Variants in GIGYF2 observed in about 807,000 individuals in gnomAD.
The protein encoded by GIGYF2 is GRB10-interacting GYF protein 2.
A neutral mutation model predicts 208.1 loss-of-function variants in GIGYF2; 25 were observed. The observed-to-expected ratio is 0.12, with a 90% CI of 0.09 to 0.17. The LOEUF (loss-of-function observed/expected upper bound fraction) is 0.17. Among genes scored for constraint, GIGYF2 ranks in the 10% least tolerant of loss-of-function variants. GIGYF2 has a pLI of 1.00. For missense variants in GIGYF2, 1,302 were observed against 1,579.4 expected, an observed-to-expected ratio of 0.82 and a Z score of 2.98; for synonymous variants, 534 against 543.8, an observed-to-expected ratio of 0.98 and a Z score of 0.25.
At chr2:232,839,815 C>T (rs1559162872) in intron 22 of GIGYF2, 34 bp from the exon 23 acceptor site, 2 of 1,612,696 alleles carry the variant, frequency 1.2e-6, no homozygotes, top group African/African-American at 1.3e-5. Flanking sequence ...TCCACATTTC[C>T]TCATGAACTT....
chr2:232,839,558 C>G (rs144532678), intron 22 of GIGYF2, among the ~76,000 whole-genome samples: 33 of 152,218 alleles, frequency 2.2e-4, no homozygotes, highest in African/African-American at 7.5e-4. Context: ...CTGTTTATGT[C>G]AGTACCAGAT....
At position 232,806,426 on chromosome 2, in the gene GIGYF2, A is replaced by T; in HGVS notation, c.1640-65A>T. On this transcript the variant is annotated intron_variant, in intron 14 of 28. Transcript: ENST00000373563. This position sits in a 1 kb window ranked among gnomAD's most constrained non-coding sequence, Gnocchi z 4.0. ...TCGATGAGAATCAGATGCAGGAAAT[A>T]TTTTTTTTCTCTTTGAGTCTGAAAG... 8.8e-7 allele frequency: 1 copy of T among 1,132,046 alleles called. No homozygotes were observed. Among genetic ancestry groups the T allele is most frequent in the Non-Finnish European group, 1.4e-6 (1 of 740,576 alleles). The allele number at this position is 1,132,046 out of a possible 1,614,324, so 70.1% of individuals were successfully genotyped here.
At chr2:232,756,197 C>CTCT (rs1698531938) in intron 5 of GIGYF2, 26 bp from the exon 6 acceptor site, 4 of 710,672 alleles carry the variant, frequency 5.6e-6, no homozygotes, top group South Asian at 3.9e-5. Context: ...TCCTTTTTCT[C>CTCT]TTTTTTTTTT....
intron 14 of GIGYF2, among the ~76,000 whole-genome samples, chr2:232,804,194 A>G (rs1700485113): frequency 1.3e-5 from 2 of 152,100 alleles, no homozygotes; most frequent in African/African-American, 4.8e-5. Context: ...TCTTGCTGAG[A>G]TTCTGATAGG....
Position 232,856,938 on chromosome 2 carries a change from A to G in GIGYF2, c.*78A>G. The G allele has an allele frequency of 1.1e-6, 1 of 925,522 alleles. No homozygotes were observed. The highest frequency in any genetic ancestry group is 1.8e-6 in the Non-Finnish European group (1 of 551,048). The allele number at this position is 925,522 out of a possible 1,614,324, so 57.3% of individuals were successfully genotyped here. On this transcript the variant is annotated 3_prime_UTR_variant, in exon 29 of 29. Transcript: ENST00000373563. ...CCACCTTTGGACACAACACTTACTC[A>G]CCATTTACTCTTTATCACTCTGCAA...
intron 2 of GIGYF2, among the ~76,000 whole-genome samples, chr2:232,721,496 T>G (rs1390084277): frequency 6.6e-6 from 1 of 152,220 alleles, no homozygotes; most frequent in Non-Finnish European, 1.5e-5. Flanking sequence ...CTATGGTATG[T>G]CAGGATGCAG....
chr2:232,701,216 A>T (rs996659241), intron 1 of GIGYF2, among the ~76,000 whole-genome samples: 1 of 152,030 alleles, frequency 6.6e-6, no homozygotes, highest in Non-Finnish European at 1.5e-5. Flanking sequence ...TAAATAAGGA[A>T]CACAATTTTA....
intron 21 of GIGYF2, among the ~76,000 whole-genome samples, chr2:232,822,382 A>T (rs58738735): frequency 0.016 from 2,376 of 152,252 alleles, 75 homozygotes; most frequent in African/African-American, 0.054. Context: ...GTGGAATTTT[A>T]AAAGTTTATT....
At chr2:232,710,712 T>C (rs1011211681) in intron 2 of GIGYF2, among the ~76,000 whole-genome samples, 18 of 127,510 alleles carry the variant, frequency 1.4e-4, no homozygotes, top group East Asian at 2.2e-4. Context: ...TTTTTTTTTT[T>C]CTGGAGATGG....
intron 14 of GIGYF2, among the ~76,000 whole-genome samples, chr2:232,798,142 T>C (rs1337460970): frequency 6.6e-6 from 1 of 152,196 alleles, no homozygotes; most frequent in Non-Finnish European, 1.5e-5. Flanking sequence ...CATTTTGTCA[T>C]TGCAAGAATG....
intron 5 of GIGYF2, among the ~76,000 whole-genome samples, chr2:232,752,110 C>T (rs1180002333): frequency 2.0e-5 from 3 of 152,172 alleles, no homozygotes; most frequent in African/African-American, 7.2e-5. Context: ...ATTTAAAATG[C>T]ACCATTTGGG....
At position 232,746,253 on chromosome 2, in the gene GIGYF2, A is replaced by G. The variant is rs142487664; in HGVS notation, c.42-1362A>G. On this transcript the variant is annotated intron_variant, in intron 3 of 28. Coordinates refer to ENST00000373563, the MANE Select transcript of GIGYF2 (RefSeq NM_001103146.3). ...TCTTTAAATATTACTTTATTCTTGT[A>G]AACACATTTTACTGTTTACTATGCA... is the stretch of plus-strand genomic sequence containing the variant. Among the ~76,000 whole-genome samples, 341 of 151,782 alleles carry G rather than the reference A, an allele frequency of 2.2e-3. 4 individuals are homozygous for G. Among genetic ancestry groups the G allele is most frequent in the Non-Finnish European group, 3.4e-4 (23 of 67,912 alleles).
chr2:232,706,532 A>G (rs1025471370), intron 2 of GIGYF2, among the ~76,000 whole-genome samples: 2 of 152,078 alleles, frequency 1.3e-5, no homozygotes, highest in Admixed American at 6.5e-5. Flanking sequence ...AATCCCATCC[A>G]TTTGGGAGGC....
At position 232,816,789 on chromosome 2, in the gene GIGYF2, G is replaced by A. The variant is rs1700927093; in HGVS notation, c.2209-82G>A. 3 of 1,042,840 alleles carry A rather than the reference G, an allele frequency of 2.9e-6. No homozygotes were observed. The East Asian group carries it at 7.1e-5, about 25-fold the overall frequency. The allele number at this position is 1,042,840 out of a possible 1,614,324, so 64.6% of individuals were successfully genotyped here. On this transcript the variant is annotated intron_variant, in intron 19 of 28. Transcript: ENST00000373563. Reference sequence around the variant, plus strand: ...GTACGGTACAAGCAGCTGATTGAATGAACGAATACTACTGGTCAGTGCTTT... The same window carrying A: ...GTACGGTACAAGCAGCTGATTGAATAAACGAATACTACTGGTCAGTGCTTT...
intron 8 of GIGYF2, chr2:232,764,659 T>C (rs1473455784): frequency 6.6e-6 from 1 of 152,230 alleles, no homozygotes; most frequent in Non-Finnish European, 1.5e-5. Context: ...AGAAAAGGGC[T>C]AACTGTTGGA....
chr2:232,724,207 A>ATTTTTTTTTTTTTTTTTTTTTT (rs1163865821), intron 2 of GIGYF2, among the ~76,000 whole-genome samples: 1 of 114,228 alleles, frequency 8.8e-6, no homozygotes, highest in Non-Finnish European at 1.7e-5. Flanking sequence ...ACACCTGGCT[A>ATTTTTTTTTTTTTTTTTTTTTT]TTTTTTTTTT....
intron 2 of GIGYF2, chr2:232,731,062 T>C (rs1184294345): frequency 6.6e-6 from 1 of 152,172 alleles, no homozygotes; most frequent in Non-Finnish European, 1.5e-5. Flanking sequence ...CTCAAAGATT[T>C]ATAGGTGCAA....
At chr2:232,842,506 C>G (rs1348768209) in intron 23 of GIGYF2, among the ~76,000 whole-genome samples, 1 of 152,188 alleles carries the variant, frequency 6.6e-6, no homozygotes, top group Non-Finnish European at 1.5e-5. Context: ...AAAAAGCCAA[C>G]TCCTATTTTG....
intron 5 of GIGYF2, among the ~76,000 whole-genome samples, chr2:232,752,325 AC>A (rs755499749): frequency 2.6e-5 from 4 of 152,124 alleles, no homozygotes; most frequent in Non-Finnish European, 2.9e-5. Flanking sequence ...GGAGGTAAAT[AC>A]TTTAATAACT....
Sources: gnomAD v4.1 joint callset for allele counts (sites outside exome capture counted in the v4.1 genomes callset) on GRCh38, gnomAD v4.1.1 for gene constraint, Gnocchi (gnomAD v3.1) non-coding constraint, MANE v1.5 for transcripts, NCBI Gene and HGNC (gene_info 2026-07-23, HGNC 2026-07-21) for gene names.